Variants in CNTN3 observed in about 807,000 individuals in gnomAD.
CNTN3 encodes the protein contactin-3.
In CNTN3, 60 loss-of-function variants were observed where a neutral mutation model predicts 119.1. The observed-to-expected ratio is 0.50, with a 90% CI of 0.41 to 0.62. The LOEUF is 0.62. Ranked by LOEUF, CNTN3 falls within the 20% of genes least tolerant of loss-of-function variation. The probability of loss-of-function intolerance (pLI) is 0.00; values close to 1 mark genes in which losing one functional copy is unlikely to be tolerated. For synonymous variants in CNTN3, 450 were observed against 438.7 expected (o/e 1.03, Z -0.32); for missense variants, 1,101 against 1,242.4 (o/e 0.89, Z 1.71).
intron 20 of CNTN3, among the ~76,000 whole-genome samples, chr3:74,272,835 A>C (rs1220483929): frequency 1.3e-5 from 2 of 152,184 alleles, no homozygotes; most frequent in Non-Finnish European, 2.9e-5. Flanking sequence ...GTATTTAAAA[A>C]GGAGGGTGGT....
chr3:74,404,488 C>T (rs1364144687), intron 5 of CNTN3, among the ~76,000 whole-genome samples: 1 of 152,030 alleles, frequency 6.6e-6, no homozygotes, highest in Non-Finnish European at 1.5e-5. Flanking sequence ...CCATCTTTTC[C>T]TCCCAACAGA....
chr3:74,563,705 A>T (rs966777952), intron 1 of CNTN3, among the ~76,000 whole-genome samples: 1 of 152,246 alleles, frequency 6.6e-6, no homozygotes, highest in Admixed American at 6.5e-5. Flanking sequence ...TGGCACAAAG[A>T]CACACAGACT....
Position 74,497,908 on chromosome 3 carries a change from T to C in CNTN3, c.182+1751A>G, listed in dbSNP as rs560519750. On this transcript the variant is annotated intron_variant, in intron 3 of 22. Transcript: ENST00000263665. The stretch of plus-strand genomic sequence containing the variant: ...TCCATGGCATTACAATAGGCACCTG[T>C]TATTTAAAGACATAATTACTACACA... 2.0e-5 allele frequency among the ~76,000 whole-genome samples: 3 copies of C among 151,994 alleles called. No individual in the cohort carries two copies. In the East Asian group the frequency reaches 5.8e-4, roughly 29 times the overall value.
intron 1 of CNTN3, among the ~76,000 whole-genome samples, chr3:74,538,612 GAATA>G (rs1286355904): frequency 6.6e-6 from 1 of 152,068 alleles, no homozygotes; most frequent in African/African-American, 2.4e-5. Flanking sequence ...ATGTGTATTT[GAATA>G]AATAAAGGTT....
chr3:74,499,548 G>A (rs769588959), intron 3 of CNTN3, 111 bp downstream of exon 3: 399 of 922,070 alleles, frequency 4.3e-4, no homozygotes, highest in Non-Finnish European at 5.0e-4. Context: ...ATAGCTTCAC[G>A]TATTTTTTTC....
At chr3:74,295,598 T>G (rs557374714) in intron 18 of CNTN3, among the ~76,000 whole-genome samples, 2 of 152,260 alleles carry the variant, frequency 1.3e-5, no homozygotes, top group Admixed American at 1.3e-4. Context: ...CCACAGACGC[T>G]ACTTAGTTTT....
Position 74,295,191 on chromosome 3 carries a change from G to A in CNTN3, c.2447C>T (p.Ser816Phe), listed in dbSNP as rs1575704278. The stretch of plus-strand genomic sequence containing the variant: ...GTTCCATGAAACCTCAATTTCTGAG[G>A]AAGATAGGCTATTTGCAGAGACTTG... Reference protein sequence around the residue: ...PSQVSANSLSSSEIEVSWNTI... With the variant: ...PSQVSANSLSFSEIEVSWNTI... Residue 816 changes from serine (S) to phenylalanine (F), a missense_variant, in exon 19 of 23, where the codon TCC (serine) becomes TTC (phenylalanine). Ser to Phe is a radical substitution (Grantham distance 155). Transcript: ENST00000263665. The A allele has an allele frequency of 3.1e-6, 5 of 1,613,426 alleles. No homozygotes were observed. The highest frequency in any genetic ancestry group is 4.2e-6 in the Non-Finnish European group (5 of 1,179,434).
intron 13 of CNTN3, among the ~76,000 whole-genome samples, chr3:74,312,555 A>G (rs555234423): frequency 6.6e-6 from 1 of 151,514 alleles, no homozygotes; most frequent in African/African-American, 2.4e-5. Context: ...AAAATAGCCA[A>G]CTCCAGGCCC....
At chr3:74,366,029 C>T (rs946636330) in intron 8 of CNTN3, among the ~76,000 whole-genome samples, 4 of 152,018 alleles carry the variant, frequency 2.6e-5, no homozygotes, top group Non-Finnish European at 2.9e-5. Flanking sequence ...GTACACAAAA[C>T]TGATTTTGTT....
At chr3:74,294,995 G>A (rs1321388718) in intron 19 of CNTN3, 126 bp downstream of exon 19, 1 of 533,198 alleles carries the variant, frequency 1.9e-6, no homozygotes, top group African/African-American at 1.9e-5. Flanking sequence ...ATGAAACAAT[G>A]TGTTGATAAA....
intron 5 of CNTN3, among the ~76,000 whole-genome samples, chr3:74,401,758 T>C (rs1307637116): frequency 6.6e-6 from 1 of 152,152 alleles, no homozygotes; most frequent in African/African-American, 2.4e-5. Context: ...AAGTTGAGAA[T>C]ATTTTGATAA....
At position 74,521,176 on chromosome 3, in the gene CNTN3, CAGGTAA is replaced by C; in HGVS notation, c.-70_-65del. On this transcript the variant is annotated 5_prime_UTR_variant, in exon 2 of 23. In the 5' UTR this introduces an upstream ATG that the reference lacks. Coordinates refer to ENST00000263665, the MANE Select transcript of CNTN3 (RefSeq NM_020872.3). The stretch of plus-strand genomic sequence containing the variant: ...TCTGATGAATAGAATGCTTTCTCTT[CAGGTAA>C]ATCCTTTAATCTGTAAAATATATGT... The C allele has an allele frequency of 3.7e-6, 3 of 821,900 alleles. No homozygotes were observed. The highest frequency in any genetic ancestry group is 3.8e-6 in the Non-Finnish European group (2 of 528,248). 50.9% of individuals were successfully genotyped at this position (821,900 alleles called of 1,614,324 possible).
At chr3:74,492,206 C>T (rs1702976923) in intron 3 of CNTN3, among the ~76,000 whole-genome samples, 1 of 152,110 alleles carries the variant, frequency 6.6e-6, no homozygotes, top group Admixed American at 6.6e-5. Context: ...ATTTATTACT[C>T]ATATTTCACA....
chr3:74,441,786 G>C (rs367960453), intron 4 of CNTN3, among the ~76,000 whole-genome samples: 2 of 152,070 alleles, frequency 1.3e-5, no homozygotes, highest in African/African-American at 2.4e-5. Context: ...AATACTGGCA[G>C]GAGAAATGCA....
chr3:74,284,381 C>T lies in CNTN3; in HGVS notation c.2704+924G>A, dbSNP rs188280375. On this transcript the variant is annotated intron_variant, in intron 20 of 22. Coordinates refer to ENST00000263665, the MANE Select transcript of CNTN3 (RefSeq NM_020872.3). ...AATAAATTAAGAAAACAATTTTCTGCAAGTAAAAGTATGGTATCACTGCGC... is the reference window on the plus strand; with the variant it reads ...AATAAATTAAGAAAACAATTTTCTGTAAGTAAAAGTATGGTATCACTGCGC... Among the ~76,000 whole-genome samples the T allele has an allele frequency of 5.3e-5, 8 of 152,114 alleles. No individual in the cohort carries two copies. The East Asian group carries it at 9.6e-4, about 18-fold the overall frequency.
At chr3:74,321,535 A>G (rs910153617) in intron 13 of CNTN3, among the ~76,000 whole-genome samples, 8 of 152,070 alleles carry the variant, frequency 5.3e-5, no homozygotes, top group African/African-American at 1.9e-4. Context: ...ATCCAAATAA[A>G]AGGAATAAAA....
At chr3:74,378,296 A>G (rs1405786002) in intron 5 of CNTN3, among the ~76,000 whole-genome samples, 1 of 152,232 alleles carries the variant, frequency 6.6e-6, no homozygotes, top group Non-Finnish European at 1.5e-5. Context: ...AGGATTGAAG[A>G]GTCCGCACTG....
intron 4 of CNTN3, among the ~76,000 whole-genome samples, chr3:74,477,002 G>A (rs1702667410): frequency 6.6e-6 from 1 of 152,060 alleles, no homozygotes; most frequent in Non-Finnish European, 1.5e-5. Flanking sequence ...ATAGGCATGG[G>A]GGATAAGCAA....
chr3:74,545,763 GATTT>G (rs1703905520), intron 1 of CNTN3, among the ~76,000 whole-genome samples: 1 of 151,934 alleles, frequency 6.6e-6, no homozygotes, highest in South Asian at 2.1e-4. Context: ...TTTGTTGTTT[GATTT>G]ATTACCAACC....
Sources: allele counts gnomAD v4.1 joint callset (sites outside exome capture counted in the v4.1 genomes callset), GRCh38; gene constraint gnomAD v4.1.1; transcripts MANE v1.5; gene names NCBI Gene and HGNC (gene_info 2026-07-23, HGNC 2026-07-21).